ARB2A: variants seen among roughly 807,000 people sequenced by gnomAD.
ARB2A encodes cotranscriptional regulator ARB2A.
the ARB2A span, among the ~76,000 whole-genome samples, chr5:93,799,118 C>G: frequency 2.0e-5 from 3 of 151,966 alleles, no homozygotes; most frequent in Admixed American, 6.6e-5. Context: ...AACAAACATC[C>G]CAGCTGATGA....
the ARB2A span, among the ~76,000 whole-genome samples, chr5:93,622,623 A>G: frequency 3.3e-5 from 5 of 152,196 alleles, no homozygotes; most frequent in Non-Finnish European, 7.3e-5. Context: ...GATTCTCTCT[A>G]TCCTCCTTTC....
the ARB2A span, chr5:93,683,064 G>T: frequency 6.4e-7 from 1 of 1,562,900 alleles, no homozygotes; most frequent in East Asian, 2.2e-5. Flanking sequence ...TTTGATCTTG[G>T]TGTTGATGGT....
chr5:93,669,369 A>G, the ARB2A span, among the ~76,000 whole-genome samples: 1 of 152,196 alleles, frequency 6.6e-6, no homozygotes, highest in Non-Finnish European at 1.5e-5. Context: ...GAACTAGTTA[A>G]TATTTGGGGA....
chr5:93,872,185 T>G, the ARB2A span, among the ~76,000 whole-genome samples: 1 of 152,080 alleles, frequency 6.6e-6, no homozygotes, highest in Middle Eastern at 3.2e-3. Context: ...TGACTTCAAG[T>G]GATCCGCCTG....
At chr5:94,004,998 C>CAAAAAAAAAAAAAAAAAAAAAAAAA in the ARB2A span, among the ~76,000 whole-genome samples, 7 of 12,552 alleles carry the variant, frequency 5.6e-4, 2 homozygotes, top group Admixed American at 1.1e-3. Flanking sequence ...ATTTTATCAG[C>CAAAAAAAAAAAAAAAAAAAAAAAAA]AAAAAAAAAA....
chr5:94,073,292 C>G, the ARB2A span, among the ~76,000 whole-genome samples: 1 of 152,056 alleles, frequency 6.6e-6, no homozygotes, highest in Admixed American at 6.6e-5. Flanking sequence ...CCTTACACCC[C>G]CATTTGTACC....
chr5:93,621,090 G>A, the ARB2A span: 3 of 1,612,136 alleles, frequency 1.9e-6, no homozygotes, highest in Non-Finnish European at 2.5e-6. Context: ...GAAAATAGAC[G>A]GAAAGCTCTT....
the ARB2A span, among the ~76,000 whole-genome samples, chr5:93,969,676 T>A: frequency 6.6e-6 from 1 of 152,052 alleles, no homozygotes; most frequent in Non-Finnish European, 1.5e-5. Context: ...AAAAATCACT[T>A]CTCTATGGAG....
chr5:94,005,025 A>AAG, the ARB2A span, among the ~76,000 whole-genome samples: 34 of 110,118 alleles, frequency 3.1e-4, no homozygotes, highest in African/African-American at 5.1e-4. Flanking sequence ...AAAAAAAAAA[A>AAG]AGAGAGAGGA....
the ARB2A span, chr5:93,739,766 G>C: frequency 1.3e-5 from 2 of 152,110 alleles, no homozygotes; most frequent in African/African-American, 2.4e-5. Flanking sequence ...AAGAGATCAA[G>C]AGAAAGTAAG....
the ARB2A span, among the ~76,000 whole-genome samples, chr5:93,986,473 G>A: frequency 6.6e-6 from 1 of 152,078 alleles, no homozygotes. Flanking sequence ...GCCACGTCTG[G>A]GAAGTGAGGA....
chr5:93,970,790 A>G, the ARB2A span, among the ~76,000 whole-genome samples: 1 of 152,168 alleles, frequency 6.6e-6, no homozygotes, highest in Non-Finnish European at 1.5e-5. Flanking sequence ...ATACTTACAA[A>G]ACAGTTGAAA....
the ARB2A span, among the ~76,000 whole-genome samples, chr5:94,086,409 T>C: frequency 1.3e-5 from 2 of 152,220 alleles, no homozygotes; most frequent in South Asian, 2.1e-4. Context: ...AACATCATGA[T>C]ACAACACATT....
the ARB2A span, chr5:93,865,576 C>A: frequency 3.0e-6 from 3 of 985,160 alleles, no homozygotes; most frequent in Non-Finnish European, 3.6e-6. Flanking sequence ...GTTTTAAAAG[C>A]AAAAAGCATA....
At chr5:93,876,628 A>C in the ARB2A span, among the ~76,000 whole-genome samples, 1 of 151,998 alleles carries the variant, frequency 6.6e-6, no homozygotes, top group African/African-American at 2.4e-5. Context: ...AAAAATTTGA[A>C]AGGAGACTGG....
At chr5:94,109,606 CA>C in the ARB2A span, among the ~76,000 whole-genome samples, 1 of 152,138 alleles carries the variant, frequency 6.6e-6, no homozygotes, top group Non-Finnish European at 1.5e-5. Context: ...CTCATGCCAC[CA>C]AATCAAGGAA....
the ARB2A span, among the ~76,000 whole-genome samples, chr5:93,640,398 G>A: frequency 3.3e-5 from 5 of 150,926 alleles, no homozygotes; most frequent in African/African-American, 9.8e-5. Flanking sequence ...GCAGTGAGCC[G>A]AGATCATGCC....
chr5:93,937,001 C>T, the ARB2A span, among the ~76,000 whole-genome samples: 4 of 140,964 alleles, frequency 2.8e-5, no homozygotes, highest in Non-Finnish European at 4.5e-5. Context: ...AGTGCAGTGG[C>T]GCGATCTTGG....
chr5:94,070,281 G>C, the ARB2A span, among the ~76,000 whole-genome samples: 12 of 152,082 alleles, frequency 7.9e-5, no homozygotes, highest in African/African-American at 2.7e-4. Context: ...TAAAAAAGTT[G>C]ATCTCATGGA....
Sources: gnomAD v4.1 joint callset for allele counts (sites outside exome capture counted in the v4.1 genomes callset) on GRCh38, gnomAD v4.1.1 for gene constraint, MANE v1.5 for transcripts, NCBI Gene and HGNC (gene_info 2026-07-23, HGNC 2026-07-21) for gene names.